Variants in TGFBRAP1 observed in about 807,000 individuals in gnomAD.
TGFBRAP1 encodes transforming growth factor-beta receptor-associated protein 1.
In TGFBRAP1, 20 loss-of-function variants were observed where a neutral mutation model predicts 83.2. The observed-to-expected ratio is 0.24, with a 90% CI of 0.17 to 0.35. The LOEUF (loss-of-function observed/expected upper bound fraction) is 0.35. TGFBRAP1 is among the 10% of genes least tolerant of loss of function. The probability of loss-of-function intolerance (pLI) is 1.00; values close to 1 mark genes in which losing one functional copy is unlikely to be tolerated. For synonymous variants in TGFBRAP1, 415 were observed against 459.8 expected, an observed-to-expected ratio of 0.90 and a Z score of 1.25; for missense variants, 950 against 1,099.4, an observed-to-expected ratio of 0.86 and a Z score of 1.92.
At chr2:105,275,438 AC>A (rs1302376544) in intron 8 of TGFBRAP1, 121 bp downstream of exon 8, 1 of 1,450,674 alleles carries the variant, frequency 6.9e-7, no homozygotes, top group African/African-American at 1.4e-5. Flanking sequence ...AATAACAACA[AC>A]AAAAAACAGA....
At chr2:105,304,934 G>C (rs532762259) in intron 2 of TGFBRAP1, among the ~76,000 whole-genome samples, 1 of 152,322 alleles carries the variant, frequency 6.6e-6, no homozygotes, top group East Asian at 1.9e-4. Context: ...TGGGGCTTAG[G>C]GGAAGGGAGG....
chr2:105,302,925 G>A (rs997804564), intron 2 of TGFBRAP1, among the ~76,000 whole-genome samples: 4 of 152,176 alleles, frequency 2.6e-5, no homozygotes, highest in Non-Finnish European at 5.9e-5. Context: ...AGGACAGAAA[G>A]AACCACAAAC....
At chr2:105,306,153 C>T (rs1301673173) in intron 2 of TGFBRAP1, among the ~76,000 whole-genome samples, 2 of 151,252 alleles carry the variant, frequency 1.3e-5, no homozygotes, top group Non-Finnish European at 2.9e-5. Context: ...ACTGCTGCCT[C>T]CTGGGTTCAA....
At chr2:105,282,921 C>T (rs1032034486) in intron 5 of TGFBRAP1, among the ~76,000 whole-genome samples, 7 of 151,966 alleles carry the variant, frequency 4.6e-5, no homozygotes, top group East Asian at 3.9e-4. Context: ...GAGTGAGGTG[C>T]GGAAGTACAG....
intron 1 of TGFBRAP1, among the ~76,000 whole-genome samples, chr2:105,317,874 C>A (rs1433701005): frequency 6.6e-6 from 1 of 152,102 alleles, no homozygotes; most frequent in Non-Finnish European, 1.5e-5. Context: ...CCAATAAACA[C>A]GAAAGAACAC....
chr2:105,320,282 C>A (rs1035711043), intron 1 of TGFBRAP1, among the ~76,000 whole-genome samples: 1 of 152,154 alleles, frequency 6.6e-6, no homozygotes, highest in Admixed American at 6.5e-5. Flanking sequence ...AAACTCAGCC[C>A]TATAATAGAA....
At chr2:105,252,751 C>CTT in the TGFBRAP1 span, among the ~76,000 whole-genome samples, 53,232 of 113,230 alleles carry the variant, frequency 0.47, 14,390 homozygotes, top group South Asian at 0.66. Flanking sequence ...ATATTAACAT[C>CTT]TTTTTTTTTT....
At chr2:105,280,755 A>G (rs930222362) in intron 5 of TGFBRAP1, 32 bp from the exon 6 acceptor site, 5 of 1,584,660 alleles carry the variant, frequency 3.2e-6, no homozygotes, top group African/African-American at 1.3e-5. Context: ...AAATGAAGCA[A>G]AAAGAGAGAA....
At chr2:105,297,305 G>C (rs1678121196) in intron 3 of TGFBRAP1, among the ~76,000 whole-genome samples, 1 of 152,152 alleles carries the variant, frequency 6.6e-6, no homozygotes, top group African/African-American at 2.4e-5. Flanking sequence ...TCCCTGCTCT[G>C]CCTGGAGTCA....
chr2:105,301,316 G>A (rs939484117), intron 2 of TGFBRAP1, among the ~76,000 whole-genome samples: 2 of 152,148 alleles, frequency 1.3e-5, no homozygotes, highest in Admixed American at 6.5e-5. Context: ...CAGGTGCGAT[G>A]GCTCAGGCCT....
intron 11 of TGFBRAP1, 140 bp from the exon 12 acceptor site, chr2:105,267,699 G>A: frequency 6.8e-7 from 1 of 1,466,498 alleles, no homozygotes; most frequent in South Asian, 1.5e-5. Flanking sequence ...TCAACTTCTT[G>A]AAATGAAATG....
Position 105,295,704 on chromosome 2 carries a change from G to A in TGFBRAP1, c.1038+652C>T, listed in dbSNP as rs528087367. 7.1e-3 allele frequency among the ~76,000 whole-genome samples: 1,074 copies of A among 151,466 alleles called. 4 individuals carry two copies. The highest frequency in any genetic ancestry group is 0.011 in the Non-Finnish European group (754 of 67,854). On this transcript the variant is annotated intron_variant, in intron 4 of 11. Coordinates refer to ENST00000393359, the MANE Select transcript of TGFBRAP1 (RefSeq NM_004257.6). ...CGGGCGCCTGTATTCCCAGCTACTCGGGAGGCTGAGGCAGGAGAATCGCTT... is the reference window on the plus strand; with the variant it reads ...CGGGCGCCTGTATTCCCAGCTACTCAGGAGGCTGAGGCAGGAGAATCGCTT...
At chr2:105,283,026 AG>A (rs1677596134) in intron 5 of TGFBRAP1, among the ~76,000 whole-genome samples, 1 of 152,162 alleles carries the variant, frequency 6.6e-6, no homozygotes, top group Non-Finnish European at 1.5e-5. Context: ...CTAATGTTTC[AG>A]ATTAACCCAT....
chr2:105,307,534 G>A (rs6709616), intron 2 of TGFBRAP1, 80 bp downstream of exon 2: 62,300 of 1,418,472 alleles, frequency 0.044, 1,507 homozygotes, highest in African/African-American at 0.075. Context: ...TCTGCACAGC[G>A]CCAATCTCAC....
intron 10 of TGFBRAP1, among the ~76,000 whole-genome samples, chr2:105,272,149 A>C (rs1313157432): frequency 1.3e-5 from 2 of 152,198 alleles, no homozygotes; most frequent in African/African-American, 4.8e-5. Context: ...GAAATTCTTA[A>C]TGTGGCAAGA....
intron 4 of TGFBRAP1, among the ~76,000 whole-genome samples, chr2:105,294,508 G>A (rs1248581764): frequency 6.6e-6 from 1 of 152,126 alleles, no homozygotes; most frequent in Non-Finnish European, 1.5e-5. Context: ...ATCACACAAG[G>A]AGGCTGTTAA....
At chr2:105,275,804 T>C in intron 7 of TGFBRAP1, 101 bp from the exon 8 acceptor site, 1 of 1,311,786 alleles carries the variant, frequency 7.6e-7, no homozygotes, top group South Asian at 1.9e-5. Context: ...GTTTACTTAT[T>C]TGGCTTTTTA....
In TGFBRAP1 at chr2:105,267,083, T is replaced by C. The variant is rs1331138030; in HGVS notation, c.*300A>G. ...TGAGGAAGACTCCCTTTTTTTTTTTTTCAAAGTAGACCTCTGTCTTGGATT... is the reference window on the plus strand; with the variant it reads ...TGAGGAAGACTCCCTTTTTTTTTTTCTCAAAGTAGACCTCTGTCTTGGATT... On this transcript the variant is annotated 3_prime_UTR_variant, in exon 12 of 12. Transcript: ENST00000393359. 1 of 278,908 alleles carries C rather than the reference T, an allele frequency of 3.6e-6. No homozygotes were observed. The highest frequency in any genetic ancestry group is 6.7e-6 in the Non-Finnish European group (1 of 149,160). The allele number at this position is 278,908 out of a possible 1,614,324, so 17.3% of individuals were successfully genotyped here.
chr2:105,254,608 ACC>A, the TGFBRAP1 span, among the ~76,000 whole-genome samples: 231 of 152,070 alleles, frequency 1.5e-3, no homozygotes, highest in Non-Finnish European at 3.0e-3. Context: ...GACTCAAGAA[ACC>A]CTTTGAACAA....
Sources: allele counts gnomAD v4.1 joint callset (sites outside exome capture counted in the v4.1 genomes callset), GRCh38; gene constraint gnomAD v4.1.1; transcripts MANE v1.5; gene names NCBI Gene and HGNC (gene_info 2026-07-23, HGNC 2026-07-21).